P2RX7: variants seen among roughly 807,000 people sequenced by gnomAD.
The protein encoded by P2RX7 is purinergic receptor P2X 7, also known as P2X purinoceptor 7.
P2RX7 carries 62 observed loss-of-function variants against 71.6 expected under a neutral mutation model. The observed-to-expected ratio is 0.87, with a 90% confidence interval of 0.71 to 1.07. The LOEUF (loss-of-function observed/expected upper bound fraction) is 1.07. Among genes scored for constraint, P2RX7 ranks in the 50% least tolerant of loss-of-function variants. The pLI is 0.00. For missense variants in P2RX7, 686 were observed against 748.5 expected (o/e 0.92, Z 0.97); for synonymous variants, 299 against 283.3 (o/e 1.06, Z -0.56).
At position 121,184,942 on chromosome 12, in the gene P2RX7, A is replaced by G; in HGVS notation, c.*140A>G. The G allele has an allele frequency of 3.0e-6, 2 of 660,830 alleles. No individual in the cohort carries two copies. Among genetic ancestry groups the G allele is most frequent in the South Asian group, 2.0e-5 (1 of 49,448 alleles). 40.9% of individuals were successfully genotyped at this position (660,830 alleles called of 1,614,324 possible). ...TGTACTAAAAATACAAAAATCAGCCAGACATGGTGGCATGCACCTGCAATC... is the reference window on the plus strand; with the variant it reads ...TGTACTAAAAATACAAAAATCAGCCGGACATGGTGGCATGCACCTGCAATC... On this transcript the variant is annotated 3_prime_UTR_variant, in exon 13 of 13. Transcript: ENST00000328963.
intron 9 of P2RX7, among the ~76,000 whole-genome samples, chr12:121,176,942 G>A (rs1290756219): frequency 4.6e-5 from 7 of 152,042 alleles, no homozygotes; most frequent in Non-Finnish European, 1.0e-4. Context: ...ACCTTTATGG[G>A]TCCAAGCACA....
intron 3 of P2RX7, among the ~76,000 whole-genome samples, chr12:121,157,554 T>G (rs965691945): frequency 6.6e-6 from 1 of 152,140 alleles, no homozygotes; most frequent in African/African-American, 2.4e-5. Flanking sequence ...CCGTCTCCAA[T>G]CCAGTTTGGG....
rs563826580 is a variant in P2RX7, at chr12:121,140,474, G to A, written c.125+7379G>A. Among the ~76,000 whole-genome samples the A allele has an allele frequency of 3.3e-5, 5 of 152,342 alleles. No individual in the cohort carries two copies. The South Asian group carries it at 1.0e-3, about 32-fold the overall frequency. On this transcript the variant is annotated intron_variant, in intron 1 of 12. Coordinates refer to ENST00000328963, the MANE Select transcript of P2RX7 (RefSeq NM_002562.6). ...GTGAGGAACCAGTGAGAAGGTTCCT[G>A]GAGTCACCAGATGCGAGGAGATAGA...
At chr12:121,142,543 T>C (rs1439492620) in intron 1 of P2RX7, among the ~76,000 whole-genome samples, 1 of 152,136 alleles carries the variant, frequency 6.6e-6, no homozygotes, top group East Asian at 1.9e-4. Context: ...AGTCTCACCG[T>C]CTTGCCCAGG....
At position 121,152,228 on chromosome 12, in the gene P2RX7, A is replaced by G. The variant is rs142024900; in HGVS notation, c.126-2557A>G. ...ACTCCTAATCTCAAGTGATCCACCC[A>G]CCTTGGCCTCCCAAAATGCTGAGAT... On this transcript the variant is annotated intron_variant, in intron 1 of 12. Transcript: ENST00000328963. Among the ~76,000 whole-genome samples, 345 of 152,180 alleles carry G rather than the reference A, an allele frequency of 2.3e-3. 2 individuals are homozygous for G. The highest frequency in any genetic ancestry group is 7.7e-3 in the African/African-American group (321 of 41,534).
At chr12:121,151,933 C>T (rs2060334071) in intron 1 of P2RX7, among the ~76,000 whole-genome samples, 1 of 152,138 alleles carries the variant, frequency 6.6e-6, no homozygotes, top group African/African-American at 2.4e-5. Flanking sequence ...GCACGAGCTA[C>T]CCACCTACTT....
intron 1 of P2RX7, among the ~76,000 whole-genome samples, chr12:121,142,741 G>A (rs932901323): frequency 2.0e-5 from 3 of 152,136 alleles, no homozygotes; most frequent in Non-Finnish European, 4.4e-5. Flanking sequence ...AAGGACGCGT[G>A]TAATAGCACT....
At chr12:121,166,253 C>T in intron 7 of P2RX7, 66 bp downstream of exon 7, 4 of 1,549,410 alleles carry the variant, frequency 2.6e-6, no homozygotes, top group Non-Finnish European at 3.5e-6. Flanking sequence ...GTCAAACAGC[C>T]AAGAGGCCGG....
At chr12:121,168,157 T>C (rs1881492140) in intron 8 of P2RX7, among the ~76,000 whole-genome samples, 1 of 152,172 alleles carries the variant, frequency 6.6e-6, no homozygotes, top group African/African-American at 2.4e-5. Context: ...CTGCGGGGTT[T>C]TTCATACCAC....
chr12:121,164,033 AAGG>A (rs1880483331), intron 5 of P2RX7, among the ~76,000 whole-genome samples: 1 of 75,194 alleles, frequency 1.3e-5, no homozygotes, highest in African/African-American at 5.4e-5. Context: ...TTTGTCACAG[AAGG>A]AATCACCCAG....
intron 4 of P2RX7, among the ~76,000 whole-genome samples, chr12:121,161,822 A>G (rs1395161785): frequency 2.0e-5 from 3 of 150,732 alleles, no homozygotes; most frequent in African/African-American, 7.3e-5. Flanking sequence ...GGCAATTTTA[A>G]AAATACTGCA....
At chr12:121,152,530 G>GT (rs1877664134) in intron 1 of P2RX7, among the ~76,000 whole-genome samples, 1 of 151,484 alleles carries the variant, frequency 6.6e-6, no homozygotes, top group East Asian at 2.0e-4. Flanking sequence ...GTTTTGTTTT[G>GT]TTTTTTGAGA....
At position 121,162,527 on chromosome 12, in the gene P2RX7, C is replaced by T. The variant is rs202214152; in HGVS notation, c.533+7C>T. On this transcript the variant is annotated splice_region_variant and intron_variant, in intron 5 of 12. Transcript: ENST00000328963. ...CAGTGGAAGAGGCCCCCCGGTGAGT[C>T]GCATGGGGAGACAGACACAGTGGCC... The T allele has an allele frequency of 4.4e-5, 71 of 1,611,544 alleles. No individual in the cohort carries two copies. The highest frequency in any genetic ancestry group is 5.3e-5 in the Non-Finnish European group (63 of 1,179,926).
chr12:121,147,301 C>A (rs1370832504), intron 1 of P2RX7, among the ~76,000 whole-genome samples: 1 of 152,044 alleles, frequency 6.6e-6, no homozygotes, highest in Non-Finnish European at 1.5e-5. Context: ...AATAATAGTA[C>A]CTTCCTTATA....
intron 7 of P2RX7, among the ~76,000 whole-genome samples, chr12:121,167,040 GA>G (rs1253913583): frequency 1.4e-5 from 2 of 138,532 alleles, no homozygotes; most frequent in Non-Finnish European, 3.1e-5. Context: ...TGACAAGAGC[GA>G]AACTCCATCT....
At chr12:121,147,348 G>A (rs1346821305) in intron 1 of P2RX7, among the ~76,000 whole-genome samples, 1 of 152,074 alleles carries the variant, frequency 6.6e-6, no homozygotes, top group East Asian at 1.9e-4. Flanking sequence ...TTTTTGGTGG[G>A]GGAGAGTAAG....
At position 121,184,568 on chromosome 12, in the gene P2RX7, G is replaced by A. The variant is rs1215026922; in HGVS notation, c.1554G>A (p.Leu518=). ...CAGAGCTGTTCAGGAAGCTGGTCCTGTCCAGACACGTCCTGCAGTTCCTCC... is the reference window on the plus strand; with the variant it reads ...CAGAGCTGTTCAGGAAGCTGGTCCTATCCAGACACGTCCTGCAGTTCCTCC... ...TTSELFRKLV[L]SRHVLQFLLL... is the part of the protein sequence containing the mutation. Residue 518 remains leucine, a synonymous_variant, in exon 13 of 13, where the codon CTG becomes CTA. Transcript: ENST00000328963. 3 of 1,614,052 alleles carry A rather than the reference G, an allele frequency of 1.9e-6. No homozygotes were observed. Among genetic ancestry groups the A allele is most frequent in the African/African-American group, 1.3e-5 (1 of 74,944 alleles).
At chr12:121,139,617 C>T (rs1169118253) in intron 1 of P2RX7, among the ~76,000 whole-genome samples, 1 of 152,144 alleles carries the variant, frequency 6.6e-6, no homozygotes, top group Non-Finnish European at 1.5e-5. Context: ...ACCTGTGAGT[C>T]TGGGCCTCCT....
At chr12:121,178,190 T>G (rs1307599831) in intron 11 of P2RX7, among the ~76,000 whole-genome samples, 1 of 152,210 alleles carries the variant, frequency 6.6e-6, no homozygotes, top group Admixed American at 6.5e-5. Flanking sequence ...GTACCCGCAG[T>G]ACATGAGTAC....
Sources: allele counts gnomAD v4.1 joint callset (sites outside exome capture counted in the v4.1 genomes callset), GRCh38; gene constraint gnomAD v4.1.1; transcripts MANE v1.5; gene names NCBI Gene and HGNC (gene_info 2026-07-23, HGNC 2026-07-21).